WWOX: variants seen among roughly 807,000 people sequenced by gnomAD.
WWOX encodes the protein WW domain containing oxidoreductase.
WWOX carries 69 observed loss-of-function variants against 46.2 expected under a neutral mutation model. That is an observed-to-expected ratio of 1.49 (90% CI 1.23 to 1.82). The LOEUF is 1.82. Ranked by LOEUF, WWOX falls within the 40% of genes most tolerant of loss-of-function variation. The pLI is 0.00. For missense variants in WWOX, 919 were observed against 542.6 expected (o/e 1.69, Z -6.89); for synonymous variants, 359 against 202.6 (o/e 1.77, Z -6.56).
chr16:78,424,757 A>T (rs1236541971), intron 6 of WWOX, 113 bp from the exon 7 acceptor site: 20 of 1,203,372 alleles, frequency 1.7e-5, no homozygotes, highest in South Asian at 1.2e-5. Context: ...AGGAGCATGG[A>T]TTATCCTTGG....
chr16:78,519,646 A>G (rs893588136), intron 8 of WWOX, among the ~76,000 whole-genome samples: 4 of 152,082 alleles, frequency 2.6e-5, no homozygotes, highest in Non-Finnish European at 4.4e-5. Flanking sequence ...CCTTTAGGAC[A>G]TGATAAGGTC....
chr16:78,887,077 GGTGTGTGTGTGTGT>G (rs749992495), intron 8 of WWOX, among the ~76,000 whole-genome samples: 1,843 of 61,242 alleles, frequency 0.03, 40 homozygotes, highest in Non-Finnish European at 0.041. Flanking sequence ...GTGTGTGTGT[GGTGTGTGTGTGTGT>G]GTGTGTGTGT....
chr16:78,822,000 C>T (rs1487955681), intron 8 of WWOX, among the ~76,000 whole-genome samples: 1 of 152,150 alleles, frequency 6.6e-6, no homozygotes. Context: ...CCTCAGTCTC[C>T]TGAGTAGGTA....
chr16:78,428,095 C>T (rs764769630), intron 7 of WWOX, among the ~76,000 whole-genome samples: 1 of 152,126 alleles, frequency 6.6e-6, no homozygotes. Context: ...AAAGCAAAAC[C>T]CCCACAGTAT....
In WWOX at chr16:78,918,094, CAGGAGGCTGAGGTGGGAGGAT is replaced by C. The variant is rs539056103; in HGVS notation, c.1057-293492_1057-293472del. ...GTGCATGCTTGTAGTCCCAGCTACT[CAGGAGGCTGAGGTGGGAGGAT>C]AGGAGGCTGAGGTGGGAGGATCACT... On this transcript the variant is annotated intron_variant, in intron 8 of 8. Coordinates refer to ENST00000566780, the MANE Select transcript of WWOX (RefSeq NM_016373.4). 2.5e-4 allele frequency among the ~76,000 whole-genome samples: 38 copies of C among 152,006 alleles called. No individual in the cohort carries two copies. In the East Asian group the frequency reaches 6.4e-3, roughly 26 times the overall value.
At chr16:78,825,871 C>T in intron 8 of WWOX, 3 of 662,048 alleles carry the variant, frequency 4.5e-6, no homozygotes, top group Admixed American at 2.2e-5. Flanking sequence ...GTAAGACTGG[C>T]CCTAAGAAGC....
In WWOX at chr16:78,779,106, A is replaced by G. The variant is rs569155176; in HGVS notation, c.1056+346354A>G. 3.3e-4 allele frequency among the ~76,000 whole-genome samples: 50 copies of G among 152,262 alleles called. No individual in the cohort carries two copies. In the Middle Eastern group the frequency reaches 0.01, roughly 31 times the overall value. ...TATCGCCTAAAATTCTCTCTTCTAC[A>G]TATCTCAGTGTTGGAAAACATAAAT... On this transcript the variant is annotated intron_variant, in intron 8 of 8. Coordinates refer to ENST00000566780, the MANE Select transcript of WWOX (RefSeq NM_016373.4).
intron 8 of WWOX, among the ~76,000 whole-genome samples, chr16:78,702,120 A>ATATATATATATTTATTTATTTATT (rs1207718237): frequency 7.7e-6 from 1 of 130,040 alleles, no homozygotes; most frequent in African/African-American, 3.3e-5. Context: ...ATATATATAT[A>ATATATATATATTTATTTATTTATT]TATTTATTTA....
intron 4 of WWOX, among the ~76,000 whole-genome samples, chr16:78,155,675 T>C (rs543210847): frequency 1.4e-4 from 22 of 152,356 alleles, no homozygotes; most frequent in Admixed American, 8.5e-4. Context: ...AATTTAAACA[T>C]TGTCATAAAG....
intron 8 of WWOX, among the ~76,000 whole-genome samples, chr16:79,089,652 A>C (rs2048918168): frequency 6.6e-6 from 1 of 152,144 alleles, no homozygotes. Flanking sequence ...TTTATACATA[A>C]AAAACAGGAA....
At chr16:78,590,502 A>T (rs1389884597) in intron 8 of WWOX, among the ~76,000 whole-genome samples, 1 of 152,222 alleles carries the variant, frequency 6.6e-6, no homozygotes, top group Non-Finnish European at 1.5e-5. Flanking sequence ...GAAGAGGGAA[A>T]GGTTTTTAGG....
intron 5 of WWOX, among the ~76,000 whole-genome samples, chr16:78,212,687 A>ATAG (rs1368583419): frequency 6.6e-6 from 1 of 152,198 alleles, no homozygotes; most frequent in Non-Finnish European, 1.5e-5. Context: ...AAGATTTAGG[A>ATAG]TAGATATTGC....
chr16:78,585,109 C>G (rs2045162926), intron 8 of WWOX, among the ~76,000 whole-genome samples: 1 of 152,194 alleles, frequency 6.6e-6, no homozygotes, highest in Non-Finnish European at 1.5e-5. Context: ...AAAAGAAATT[C>G]TTTAGCCATG....
chr16:79,074,655 A>C (rs1473274076), intron 8 of WWOX, among the ~76,000 whole-genome samples: 1 of 151,846 alleles, frequency 6.6e-6, no homozygotes, highest in Non-Finnish European at 1.5e-5. Context: ...AGATGAGGTA[A>C]TGTTTGTAAA....
At chr16:79,012,841 C>T (rs1404936249) in intron 8 of WWOX, among the ~76,000 whole-genome samples, 2 of 152,182 alleles carry the variant, frequency 1.3e-5, no homozygotes, top group African/African-American at 2.4e-5. Flanking sequence ...CAACATGGCC[C>T]GTGGCAGACT....
At chr16:78,259,609 T>C (rs1341629697) in intron 5 of WWOX, among the ~76,000 whole-genome samples, 1 of 151,658 alleles carries the variant, frequency 6.6e-6, no homozygotes, top group Admixed American at 6.6e-5. Flanking sequence ...TGAGCCACCA[T>C]GTTCGACCCC....
chr16:79,045,492 T>C (rs2048047383), intron 8 of WWOX, among the ~76,000 whole-genome samples: 1 of 152,170 alleles, frequency 6.6e-6, no homozygotes, highest in African/African-American at 2.4e-5. Flanking sequence ...AAAGAGAGAC[T>C]ATGTTGTTAG....
At chr16:78,689,397 G>C (rs1474896934) in intron 8 of WWOX, among the ~76,000 whole-genome samples, 1 of 152,168 alleles carries the variant, frequency 6.6e-6, no homozygotes, top group Non-Finnish European at 1.5e-5. Context: ...ATGTTCTGGG[G>C]CAACTTCTGT....
chr16:79,186,668 A>G (rs1482649273), intron 8 of WWOX, among the ~76,000 whole-genome samples: 1 of 152,090 alleles, frequency 6.6e-6, no homozygotes, highest in Non-Finnish European at 1.5e-5. Context: ...TTCAACCTAT[A>G]ACAAGTAATA....
Sources: allele counts gnomAD v4.1 joint callset (sites outside exome capture counted in the v4.1 genomes callset), GRCh38; gene constraint gnomAD v4.1.1; transcripts MANE v1.5; gene names NCBI Gene and HGNC (gene_info 2026-07-23, HGNC 2026-07-21).